Variants in TESK2 observed in about 807,000 individuals in gnomAD.
TESK2 encodes testis associated actin remodelling kinase 2.
Under a neutral mutation model 57.1 loss-of-function variants are expected in TESK2, and 39 were observed. That is an observed-to-expected ratio of 0.68 (90% confidence interval 0.53 to 0.89). TESK2 has a LOEUF of 0.89. Among genes scored for constraint, TESK2 ranks in the 40% least tolerant of loss-of-function variants. The pLI, the probability that TESK2 is intolerant of heterozygous loss-of-function variation, is 0.00. For synonymous variants in TESK2, 249 were observed against 267.9 expected, an observed-to-expected ratio of 0.93 and a Z score of 0.69; for missense variants, 646 against 732.1, an observed-to-expected ratio of 0.88 and a Z score of 1.36.
intron 1 of TESK2, among the ~76,000 whole-genome samples, chr1:45,468,157 T>C (rs1369778985): frequency 1.4e-5 from 2 of 145,600 alleles, no homozygotes; most frequent in Non-Finnish European, 1.5e-5. Context: ...GCCTGGGCAA[T>C]AGAGCAAACG....
intron 1 of TESK2, among the ~76,000 whole-genome samples, chr1:45,482,046 C>T (rs748723271): frequency 2.6e-5 from 4 of 152,212 alleles, no homozygotes; most frequent in Non-Finnish European, 5.9e-5. Context: ...TGATGCTAAT[C>T]GTCTCCACGT....
intron 2 of TESK2, among the ~76,000 whole-genome samples, chr1:45,438,204 T>C (rs1199567437): frequency 6.6e-6 from 1 of 152,314 alleles, no homozygotes; most frequent in South Asian, 2.1e-4. Flanking sequence ...TATTAAAACA[T>C]AGAAGCACTG....
intron 5 of TESK2, among the ~76,000 whole-genome samples, chr1:45,353,960 G>A (rs1055418540): frequency 2.0e-5 from 3 of 152,138 alleles, no homozygotes; most frequent in Non-Finnish European, 4.4e-5. Flanking sequence ...CAATCACACA[G>A]GCAGAAAATG....
chr1:45,354,705 C>T (rs1190501776), intron 5 of TESK2, among the ~76,000 whole-genome samples: 1 of 140,238 alleles, frequency 7.1e-6, no homozygotes, highest in Non-Finnish European at 1.5e-5. Flanking sequence ...AGGAGGATTG[C>T]TTGAGCCGAT....
chr1:45,377,492 C>A (rs574022356), intron 4 of TESK2, among the ~76,000 whole-genome samples: 1 of 149,358 alleles, frequency 6.7e-6, no homozygotes, highest in East Asian at 2.0e-4. Flanking sequence ...GATCCCGGCT[C>A]ACTGCCACCT....
intron 4 of TESK2, among the ~76,000 whole-genome samples, chr1:45,383,270 A>C (rs1477298827): frequency 6.6e-6 from 1 of 152,194 alleles, no homozygotes; most frequent in Admixed American, 6.5e-5. Context: ...CTGCCAAGTC[A>C]AATTATAAGG....
intron 2 of TESK2, among the ~76,000 whole-genome samples, chr1:45,454,244 A>AG (rs1651983189): frequency 6.6e-6 from 1 of 152,056 alleles, no homozygotes; most frequent in Non-Finnish European, 1.5e-5. Context: ...AGTGGTTGCC[A>AG]GGGGTTGGGG....
At chr1:45,414,795 A>G (rs898776686) in intron 3 of TESK2, among the ~76,000 whole-genome samples, 2 of 152,232 alleles carry the variant, frequency 1.3e-5, no homozygotes, top group Admixed American at 6.5e-5. Context: ...TGCATTAGCA[A>G]TATTTCTGTG....
intron 1 of TESK2, among the ~76,000 whole-genome samples, chr1:45,485,884 A>T (rs1653457922): frequency 7.4e-6 from 1 of 135,048 alleles, no homozygotes; most frequent in South Asian, 2.6e-4. Flanking sequence ...CTATTCAAAG[A>T]TTAAATGTAT....
intron 4 of TESK2, among the ~76,000 whole-genome samples, chr1:45,358,525 G>A (rs1647540196): frequency 6.6e-6 from 1 of 152,050 alleles, no homozygotes; most frequent in Admixed American, 6.6e-5. Context: ...AATAGCAGCT[G>A]TTATTTATAT....
chr1:45,372,959 C>T (rs1422805175), intron 4 of TESK2, among the ~76,000 whole-genome samples: 3 of 140,196 alleles, frequency 2.1e-5, no homozygotes, highest in Non-Finnish European at 4.5e-5. Flanking sequence ...ACCTGGGAGG[C>T]GGAGGTTGCG....
Position 45,345,281 on chromosome 1 carries a change from A to T in TESK2, c.1275T>A (p.Ser425=). Residue 425 remains serine, a synonymous_variant, in exon 11 of 11, where the codon TCT becomes TCA. Coordinates refer to ENST00000372086, the MANE Select transcript of TESK2 (RefSeq NM_007170.3). ...FFDLPSKSVI[S]LVFDLDAPGP... The stretch of plus-strand genomic sequence containing the variant: ...CTGGTGCATCCAGGTCAAATACCAG[A>T]GAGATGACAGACTTGCTGGGCAGGT... The T allele has an allele frequency of 6.2e-7, 1 of 1,614,176 alleles. No homozygotes were observed.
intron 3 of TESK2, among the ~76,000 whole-genome samples, chr1:45,419,219 G>C (rs962229171): frequency 6.6e-6 from 1 of 152,084 alleles, no homozygotes; most frequent in South Asian, 2.1e-4. Flanking sequence ...CTTGTGATCT[G>C]CCTGCCTCAG....
intron 4 of TESK2, among the ~76,000 whole-genome samples, chr1:45,380,882 TCTACAAATACTATGCATG>T (rs1201970288): frequency 2.0e-5 from 3 of 152,198 alleles, no homozygotes; most frequent in Non-Finnish European, 4.4e-5. Context: ...AGAATTGAAT[TCTACAAATACTATGCATG>T]CTACACACAT....
At chr1:45,466,765 C>T (rs924957121) in intron 1 of TESK2, among the ~76,000 whole-genome samples, 2 of 151,006 alleles carry the variant, frequency 1.3e-5, no homozygotes, top group South Asian at 2.1e-4. Flanking sequence ...ATCCTTGCTC[C>T]GTAACTTCTA....
chr1:45,405,032 T>C (rs1478660058), intron 3 of TESK2, among the ~76,000 whole-genome samples: 1 of 152,146 alleles, frequency 6.6e-6, no homozygotes, highest in Admixed American at 6.5e-5. Flanking sequence ...CAGGTAAGAT[T>C]TAGTGCCTTT....
Position 45,398,754 on chromosome 1 carries a change from T to C in TESK2, c.345-12794A>G, listed in dbSNP as rs74740094. On this transcript the variant is annotated intron_variant, in intron 3 of 10. Coordinates refer to ENST00000372086, the MANE Select transcript of TESK2 (RefSeq NM_007170.3). The stretch of plus-strand genomic sequence containing the variant: ...GAAGTAGATTACATTTCCCAGTGTT[T>C]ATTATAGTTGGTTAAGACTGTAACA... 277 of 263,246 alleles carry C rather than the reference T, an allele frequency of 1.1e-3. No individual in the cohort carries two copies. In the East Asian group the frequency reaches 0.014, roughly 13 times the overall value. 16.3% of individuals were successfully genotyped at this position (263,246 alleles called of 1,614,324 possible). A position where few individuals can be genotyped will look rare whatever the true frequency, so the allele number is the denominator to read the frequency against.
At chr1:45,411,344 G>T (rs1650033121) in intron 3 of TESK2, among the ~76,000 whole-genome samples, 1 of 152,142 alleles carries the variant, frequency 6.6e-6, no homozygotes, top group Admixed American at 6.6e-5. Flanking sequence ...GGGTCAGGTG[G>T]AGGGATGGTT....
At chr1:45,348,535 C>T (rs952880400) in intron 5 of TESK2, among the ~76,000 whole-genome samples, 1 of 152,248 alleles carries the variant, frequency 6.6e-6, no homozygotes, top group Non-Finnish European at 1.5e-5. Flanking sequence ...CTTTATCCAA[C>T]TGGCCTAGCC....
Sources: allele counts gnomAD v4.1 joint callset (sites outside exome capture counted in the v4.1 genomes callset), GRCh38; gene constraint gnomAD v4.1.1; transcripts MANE v1.5; gene names NCBI Gene and HGNC (gene_info 2026-07-23, HGNC 2026-07-21).